Variants in MCC observed in about 807,000 individuals in gnomAD.
MCC encodes the protein colorectal mutant cancer protein.
MCC carries 90 observed loss-of-function variants against 116.2 expected under a neutral mutation model. The ratio of observed to expected loss-of-function variants is 0.77; its 90% CI spans 0.65 to 0.92. MCC has a LOEUF of 0.92. Among genes scored for constraint, MCC ranks in the 40% least tolerant of loss-of-function variants. MCC has a pLI of 0.00. For synonymous variants in MCC, 578 were observed against 510.5 expected, an observed-to-expected ratio of 1.13 and a Z score of -1.78; for missense variants, 1,516 against 1,312.2, an observed-to-expected ratio of 1.16 and a Z score of -2.40.
chr5:113,071,747 ATCT>A (rs1754057981), intron 11 of MCC, among the ~76,000 whole-genome samples: 1 of 152,256 alleles, frequency 6.6e-6, no homozygotes, highest in Non-Finnish European at 1.5e-5. Context: ...AACATTAAGT[ATCT>A]TGCCCTGGGA....
intron 5 of MCC, among the ~76,000 whole-genome samples, chr5:113,126,084 G>T (rs1758034103): frequency 6.6e-6 from 1 of 152,136 alleles, no homozygotes; most frequent in African/African-American, 2.4e-5. Flanking sequence ...GAACATAAAG[G>T]GTCAACTCAC....
intron 1 of MCC, among the ~76,000 whole-genome samples, chr5:113,441,470 T>C (rs1455977340): frequency 6.6e-6 from 1 of 152,190 alleles, no homozygotes; most frequent in East Asian, 1.9e-4. Context: ...AAGGGCCGCA[T>C]GTGGTCTCTA....
chr5:113,439,697 T>A (rs1770974878), intron 1 of MCC, among the ~76,000 whole-genome samples: 2 of 152,144 alleles, frequency 1.3e-5, no homozygotes, highest in Admixed American at 6.5e-5. Context: ...ACTCATTCAA[T>A]CTCTTTGAGC....
intron 3 of MCC, among the ~76,000 whole-genome samples, chr5:113,200,492 G>A (rs571040370): frequency 6.6e-6 from 1 of 152,128 alleles, no homozygotes; most frequent in South Asian, 2.1e-4. Flanking sequence ...AAACAGTGGT[G>A]GTAGGGGTTC....
intron 1 of MCC, among the ~76,000 whole-genome samples, chr5:113,447,550 C>T (rs1329925596): frequency 1.3e-5 from 2 of 152,052 alleles, no homozygotes; most frequent in African/African-American, 2.4e-5. Flanking sequence ...TCATCTAGTC[C>T]GACCACCTCC....
intron 3 of MCC, among the ~76,000 whole-genome samples, chr5:113,264,859 T>C (rs1765362878): frequency 6.6e-6 from 1 of 152,130 alleles, no homozygotes; most frequent in Non-Finnish European, 1.5e-5. Context: ...CCTGGCCACA[T>C]GGTGAAACCC....
At chr5:113,265,743 C>T (rs1439214249) in intron 3 of MCC, among the ~76,000 whole-genome samples, 1 of 152,100 alleles carries the variant, frequency 6.6e-6, no homozygotes, top group Non-Finnish European at 1.5e-5. Flanking sequence ...TCACTGCAGG[C>T]CAACCCCTCT....
intron 3 of MCC, among the ~76,000 whole-genome samples, chr5:113,155,722 G>T (rs754749287): frequency 8.5e-5 from 13 of 152,170 alleles, no homozygotes; most frequent in Non-Finnish European, 1.6e-4. Context: ...ATGATGAAAA[G>T]AAAATGTTCC....
chr5:113,396,591 G>A (rs114643009), intron 1 of MCC, among the ~76,000 whole-genome samples: 4,910 of 152,130 alleles, frequency 0.032, 109 homozygotes, highest in East Asian at 0.076. Flanking sequence ...AGTTGAGATC[G>A]CGCCTCTGCA....
intron 12 of MCC, 112 bp downstream of exon 12, chr5:113,070,982 T>TC (rs1753996915): frequency 3.1e-6 from 4 of 1,275,578 alleles, no homozygotes; most frequent in Non-Finnish European, 4.3e-6. Flanking sequence ...TATGCCTTGG[T>TC]CCAAACTGCC....
intron 1 of MCC, among the ~76,000 whole-genome samples, chr5:113,430,739 A>G (rs1770612667): frequency 6.6e-6 from 1 of 152,158 alleles, no homozygotes; most frequent in Admixed American, 6.5e-5. Context: ...AAAAATAGAG[A>G]TGACAGAAGC....
chr5:113,190,686 C>G (rs981384725), intron 3 of MCC, among the ~76,000 whole-genome samples: 1 of 152,078 alleles, frequency 6.6e-6, no homozygotes, highest in South Asian at 2.1e-4. Flanking sequence ...ACAGAGATAT[C>G]CGAATGGTTT....
chr5:113,433,437 G>T, intron 1 of MCC: 1 of 598,404 alleles, frequency 1.7e-6, no homozygotes. Context: ...TCACTGAGCC[G>T]TTGCGGCCAG....
chr5:113,143,803 G>A (rs1018910130), intron 4 of MCC, among the ~76,000 whole-genome samples: 6 of 152,172 alleles, frequency 3.9e-5, no homozygotes, highest in African/African-American at 1.2e-4. Context: ...GCTACCTACA[G>A]CTCCCTTCCC....
intron 1 of MCC, chr5:113,437,265 A>AAG (rs1406429121): frequency 6.6e-6 from 1 of 152,210 alleles, no homozygotes; most frequent in Non-Finnish European, 1.5e-5. Flanking sequence ...GAGAGCAGGG[A>AAG]AGACAGCTTC....
chr5:113,257,019 A>G (rs1765031102), intron 3 of MCC, among the ~76,000 whole-genome samples: 1 of 152,004 alleles, frequency 6.6e-6, no homozygotes, highest in South Asian at 2.1e-4. Context: ...ATCAGTTATC[A>G]CCCTTCCATT....
chr5:113,328,540 C>T (rs1767622758), intron 3 of MCC, among the ~76,000 whole-genome samples: 3 of 152,176 alleles, frequency 2.0e-5, no homozygotes, highest in Admixed American at 1.3e-4. Context: ...GCATTCTCGG[C>T]AATTAGGATG....
chr5:113,434,233 C>G lies in MCC; in HGVS notation c.171-49021G>C. 1.2e-6 allele frequency: 2 copies of G among 1,614,062 alleles called. No individual in the cohort carries two copies. Among genetic ancestry groups the G allele is most frequent in the Non-Finnish European group, 1.7e-6 (2 of 1,179,950 alleles). On this transcript the variant is annotated intron_variant, in intron 1 of 18. Coordinates refer to ENST00000408903, the MANE Select transcript of MCC (RefSeq NM_001085377.2). This position sits in a 1 kb window ranked among gnomAD's most constrained non-coding sequence, Gnocchi z 4.2. ...CAGACCATGATGTAGAGGATCACGC[C>G]TAGGCTCCAGATGTCGTACACCTTG... is the stretch of plus-strand genomic sequence containing the variant.
At chr5:113,393,008 C>T (rs1769437009) in intron 1 of MCC, among the ~76,000 whole-genome samples, 1 of 151,950 alleles carries the variant, frequency 6.6e-6, no homozygotes, top group Non-Finnish European at 1.5e-5. Flanking sequence ...ATGACATAAA[C>T]AATATGACAG....
Sources: allele counts gnomAD v4.1 joint callset (sites outside exome capture counted in the v4.1 genomes callset), GRCh38; gene constraint gnomAD v4.1.1; non-coding constraint Gnocchi (gnomAD v3.1); transcripts MANE v1.5; gene names NCBI Gene and HGNC (gene_info 2026-07-23, HGNC 2026-07-21).